BNC2: variants seen among roughly 807,000 people sequenced by gnomAD.
BNC2 encodes the protein basonuclin zinc finger protein 2.
Under a neutral mutation model 76.3 loss-of-function variants are expected in BNC2, and 20 were observed. The ratio of observed to expected loss-of-function variants is 0.26; its 90% CI spans 0.18 to 0.38. BNC2 has a LOEUF of 0.38. Among genes scored for constraint, BNC2 ranks in the 10% least tolerant of loss-of-function variants. The pLI is 1.00. For synonymous variants in BNC2, 582 were observed against 514.8 expected (o/e 1.13, Z -1.77); for missense variants, 1,382 against 1,399.8 (o/e 0.99, Z 0.20).
intron 6 of BNC2, 108 bp downstream of exon 6, chr9:16,435,447 A>C: frequency 1.5e-6 from 2 of 1,304,352 alleles, no homozygotes; most frequent in Non-Finnish European, 2.2e-6. Flanking sequence ...CAATCTTTAC[A>C]GTGCACCAAA....
chr9:16,495,485 G>A (rs544012122), intron 5 of BNC2, among the ~76,000 whole-genome samples: 1 of 152,294 alleles, frequency 6.6e-6, no homozygotes, highest in South Asian at 2.1e-4. Context: ...TGGGTTGCCT[G>A]TAAACAGTGC....
chr9:16,747,310 T>A (rs1335399794), intron 1 of BNC2, among the ~76,000 whole-genome samples: 1 of 150,794 alleles, frequency 6.6e-6, no homozygotes, highest in Non-Finnish European at 1.5e-5. Context: ...GTGGACTTCT[T>A]ACTATGTACA....
chr9:16,683,388 T>A (rs1353420937), intron 3 of BNC2, among the ~76,000 whole-genome samples: 2 of 152,146 alleles, frequency 1.3e-5, no homozygotes, highest in Non-Finnish European at 2.9e-5. Context: ...AGAAAGAATA[T>A]AAACAAACCG....
At chr9:16,646,806 A>G (rs1409197110) in intron 3 of BNC2, among the ~76,000 whole-genome samples, 1 of 152,196 alleles carries the variant, frequency 6.6e-6, no homozygotes, top group Non-Finnish European at 1.5e-5. Context: ...AAAGGGATGC[A>G]AAAATAGAAG....
rs563694582 is a variant in BNC2, at chr9:16,725,375, T to C, written c.330+2422A>G. ...TATGTAATATTTATACAAACTAAAATGTCATCTTGAAGAGAAAAAAAATGC... is the reference window on the plus strand; with the variant it reads ...TATGTAATATTTATACAAACTAAAACGTCATCTTGAAGAGAAAAAAAATGC... On this transcript the variant is annotated intron_variant, in intron 3 of 6. Transcript: ENST00000380672. Among the ~76,000 whole-genome samples the C allele has an allele frequency of 1.1e-4, 16 of 152,184 alleles. No individual in the cohort carries two copies. In the South Asian group the frequency reaches 3.3e-3, roughly 32 times the overall value.
At chr9:16,822,092 C>CAAAAAA (rs531393812) in intron 1 of BNC2, among the ~76,000 whole-genome samples, 4 of 32,586 alleles carry the variant, frequency 1.2e-4, no homozygotes, top group Admixed American at 3.1e-4. Flanking sequence ...GACTCCATCT[C>CAAAAAA]AAAAAAAAAA....
Position 16,602,786 on chromosome 9 carries a change from T to C in BNC2, c.331-19701A>G, listed in dbSNP as rs140416927. Among the ~76,000 whole-genome samples the C allele has an allele frequency of 6.6e-3, 1,003 of 152,320 alleles. 9 individuals carry two copies. Among genetic ancestry groups the C allele is most frequent in the African/African-American group, 0.022 (910 of 41,580 alleles). On this transcript the variant is annotated intron_variant, in intron 3 of 6. Coordinates refer to ENST00000380672, the MANE Select transcript of BNC2 (RefSeq NM_017637.6). Reference sequence around the variant, plus strand: ...CTCCAGGGACTGTATCAGAAACTGATGGCTTAGACAGATGGGAACATTTTT... The same window carrying C: ...CTCCAGGGACTGTATCAGAAACTGACGGCTTAGACAGATGGGAACATTTTT...
chr9:16,722,907 T>C (rs1824201227), intron 3 of BNC2, among the ~76,000 whole-genome samples: 1 of 152,226 alleles, frequency 6.6e-6, no homozygotes, highest in Non-Finnish European at 1.5e-5. Context: ...CCTGTCTCTA[T>C]GCTACAATTT....
rs562388547 is a variant in BNC2, at chr9:16,755,274, C to T, written c.4-16789G>A. Among the ~76,000 whole-genome samples, 4 of 152,162 alleles carry T rather than the reference C, an allele frequency of 2.6e-5. No individual in the cohort carries two copies. The East Asian group carries it at 7.7e-4, about 29-fold the overall frequency. On this transcript the variant is annotated intron_variant, in intron 1 of 6. Coordinates refer to ENST00000380672, the MANE Select transcript of BNC2 (RefSeq NM_017637.6). ...AGCACACTGGGTGCAGGAAAACAGT[C>T]CACAGGAGACCCAGGGGACTGAAGA...
chr9:16,783,891 T>C (rs1826214046), intron 1 of BNC2, among the ~76,000 whole-genome samples: 1 of 152,238 alleles, frequency 6.6e-6, no homozygotes, highest in South Asian at 2.1e-4. Flanking sequence ...ATGTAAGTTT[T>C]AAAATTCTTT....
intron 4 of BNC2, among the ~76,000 whole-genome samples, chr9:16,570,151 CA>C (rs1819280215): frequency 6.6e-6 from 1 of 152,076 alleles, no homozygotes; most frequent in South Asian, 2.1e-4. Flanking sequence ...GCAAAAAGTG[CA>C]AAGGCAAGGC....
At chr9:16,579,455 G>T (rs1819570184) in intron 4 of BNC2, among the ~76,000 whole-genome samples, 1 of 151,814 alleles carries the variant, frequency 6.6e-6, no homozygotes, top group African/African-American at 2.4e-5. Context: ...ACTAATTTTT[G>T]TACTTTTTGT....
chr9:16,687,407 G>A (rs1823011501), intron 3 of BNC2, among the ~76,000 whole-genome samples: 2 of 152,228 alleles, frequency 1.3e-5, no homozygotes, highest in South Asian at 4.2e-4. Flanking sequence ...GAATAAGAAA[G>A]AAATGCAGCA....
chr9:16,707,207 C>CA (rs915550516), intron 3 of BNC2, among the ~76,000 whole-genome samples: 16 of 149,936 alleles, frequency 1.1e-4, no homozygotes, highest in Middle Eastern at 3.2e-3. Flanking sequence ...GCCCCCCCGC[C>CA]AAAAAAAAAC....
rs529249378 is a variant in BNC2, at chr9:16,524,058, T to G, written c.669+28472A>C. On this transcript the variant is annotated intron_variant, in intron 5 of 6. Transcript: ENST00000380672. ...TATGAGATTATGCTGTGAAATAAGC[T>G]GCTTCTTCAATCTCCACCTTTTCCT... 6.6e-5 allele frequency among the ~76,000 whole-genome samples: 10 copies of G among 152,362 alleles called. No individual in the cohort carries two copies. The South Asian group carries it at 1.9e-3, about 28-fold the overall frequency.
chr9:16,421,116 G>T, intron 6 of BNC2: 1 of 285,666 alleles, frequency 3.5e-6, no homozygotes, highest in Non-Finnish European at 6.3e-6. Flanking sequence ...ATTTCCTAGA[G>T]ATGGTTGAGA....
At chr9:16,527,029 T>G (rs16934787) in intron 5 of BNC2, among the ~76,000 whole-genome samples, 1 of 151,964 alleles carries the variant, frequency 6.6e-6, no homozygotes, top group Non-Finnish European at 1.5e-5. Context: ...AGGAATTAAT[T>G]TGGGGAAGTG....
At chr9:16,553,101 G>A (rs541513482) in intron 4 of BNC2, among the ~76,000 whole-genome samples, 2 of 152,078 alleles carry the variant, frequency 1.3e-5, no homozygotes, top group Non-Finnish European at 2.9e-5. Context: ...TTTGTTAACT[G>A]AACTGTGTTT....
intron 6 of BNC2, among the ~76,000 whole-genome samples, chr9:16,426,000 G>A (rs1041902813): frequency 2.6e-5 from 4 of 152,190 alleles, no homozygotes; most frequent in Admixed American, 2.6e-4. Flanking sequence ...ATAGGTACCT[G>A]TTGCGCTGTA....
Sources: gnomAD v4.1 joint callset for allele counts (sites outside exome capture counted in the v4.1 genomes callset) on GRCh38, gnomAD v4.1.1 for gene constraint, MANE v1.5 for transcripts, NCBI Gene and HGNC (gene_info 2026-07-23, HGNC 2026-07-21) for gene names.